The following TTC7A variants were observed in gnomAD, a reference collection of about 807,000 sequenced individuals.
TTC7A encodes the protein tetratricopeptide repeat protein 7A.
TTC7A carries 110 observed loss-of-function variants against 103.7 expected under a neutral mutation model. The ratio of observed to expected loss-of-function variants is 1.06; its 90% CI spans 0.91 to 1.24. The LOEUF is 1.24. Among genes scored for constraint, TTC7A ranks in the 50% most tolerant of loss-of-function variants. TTC7A has a pLI of 0.00. For missense variants in TTC7A, 1,340 were observed against 1,116.3 expected (o/e 1.20, Z -2.86); for synonymous variants, 521 against 467.9 (o/e 1.11, Z -1.47).
At chr2:47,054,568 C>G (rs146249403) in intron 18 of TTC7A, among the ~76,000 whole-genome samples, 4 of 152,120 alleles carry the variant, frequency 2.6e-5, no homozygotes, top group Admixed American at 6.5e-5. Flanking sequence ...TGCGGTGGCT[C>G]ATGCCCGTAA....
chr2:46,937,478 C>T (rs1220018396), upstream of TTC7A, among the ~76,000 whole-genome samples: 2 of 152,160 alleles, frequency 1.3e-5, no homozygotes, highest in Non-Finnish European at 2.9e-5. The surrounding 1 kb of genome is among the most constrained non-coding windows in gnomAD (Gnocchi z 4.0). Context: ...AATGGGACTT[C>T]GAATTGTTTT....
intron 5 of TTC7A, among the ~76,000 whole-genome samples, chr2:46,990,118 G>A (rs1019336304): frequency 5.9e-5 from 9 of 152,240 alleles, no homozygotes; most frequent in African/African-American, 2.2e-4. Flanking sequence ...GCCTGCTGCT[G>A]TTGGGCCCAG....
intron 4 of TTC7A, among the ~76,000 whole-genome samples, chr2:46,975,624 A>C (rs1219286661): frequency 2.6e-5 from 4 of 152,110 alleles, no homozygotes; most frequent in Non-Finnish European, 4.4e-5. Flanking sequence ...TATCAAGTAC[A>C]GGTGGTAGCA....
intron 3 of TTC7A, among the ~76,000 whole-genome samples, chr2:46,970,340 G>A (rs572594188): frequency 6.6e-6 from 1 of 152,344 alleles, no homozygotes; most frequent in East Asian, 1.9e-4. Flanking sequence ...GAAGCATGAT[G>A]GGGAGGCCCC....
chr2:46,931,799 G>C (rs965121611), intron 2 of TTC7A, among the ~76,000 whole-genome samples: 3 of 152,140 alleles, frequency 2.0e-5, no homozygotes, highest in Non-Finnish European at 4.4e-5. Context: ...CCTTGATTTA[G>C]TTCATAAGAC....
At chr2:46,954,851 G>C (rs1460149397) in intron 2 of TTC7A, among the ~76,000 whole-genome samples, 1 of 152,150 alleles carries the variant, frequency 6.6e-6, no homozygotes, top group African/African-American at 2.4e-5. Flanking sequence ...GATTACAGGC[G>C]TGAGCCACCG....
At chr2:46,931,451 G>A (rs995653543) in intron 2 of TTC7A, among the ~76,000 whole-genome samples, 5 of 152,184 alleles carry the variant, frequency 3.3e-5, no homozygotes, top group Non-Finnish European at 7.3e-5. Flanking sequence ...TTGAGATGGG[G>A]AGATTATCTT....
Position 46,941,837 on chromosome 2 carries a change from C to A in TTC7A, c.184+112C>A. ...CCGACAGCGGGCGCCTGCCAGCCCA[C>A]CGTGCTAGTCTTAAGAGCAGCCAGG... is the stretch of plus-strand genomic sequence containing the variant. On this transcript the variant is annotated intron_variant, in intron 1 of 19. Coordinates refer to ENST00000319190, the MANE Select transcript of TTC7A (RefSeq NM_020458.4). This position sits in a 1 kb window ranked among gnomAD's most constrained non-coding sequence, Gnocchi z 4.2. The A allele has an allele frequency of 7.3e-7, 1 of 1,370,830 alleles. No homozygotes were observed. Among genetic ancestry groups the A allele is most frequent in the Non-Finnish European group, 1.0e-6 (1 of 1,000,558 alleles). The allele number at this position is 1,370,830 out of a possible 1,614,324, so 84.9% of individuals were successfully genotyped here. A position where few individuals can be genotyped will look rare whatever the true frequency, so the allele number is the denominator to read the frequency against.
At chr2:47,037,200 T>G (rs974400877) in intron 15 of TTC7A, among the ~76,000 whole-genome samples, 1 of 152,202 alleles carries the variant, frequency 6.6e-6, no homozygotes, top group African/African-American at 2.4e-5. Flanking sequence ...GTTCTTGTTG[T>G]GTTTCCCAAT....
At chr2:47,066,826 G>T (rs1684220028) in intron 19 of TTC7A, among the ~76,000 whole-genome samples, 1 of 152,204 alleles carries the variant, frequency 6.6e-6, no homozygotes, top group South Asian at 2.1e-4. Flanking sequence ...AAAGTGCTGG[G>T]ATTACAGGCA....
At chr2:47,029,442 G>A (rs893992666) in intron 15 of TTC7A, 58 bp downstream of exon 15, 450 of 1,585,912 alleles carry the variant, frequency 2.8e-4, no homozygotes, top group East Asian at 4.3e-4. Context: ...TGCAGCAGGC[G>A]CCCATGCACA....
At chr2:46,958,089 TCA>T (rs978610911) in intron 3 of TTC7A, among the ~76,000 whole-genome samples, 1 of 152,114 alleles carries the variant, frequency 6.6e-6, no homozygotes, top group East Asian at 1.9e-4. Context: ...CAACACACAC[TCA>T]GTTTCCCCTG....
At chr2:47,042,479 C>T (rs1340332127) in intron 15 of TTC7A, among the ~76,000 whole-genome samples, 1 of 150,694 alleles carries the variant, frequency 6.6e-6, no homozygotes, top group South Asian at 2.1e-4. Flanking sequence ...TCTGCCTGGG[C>T]AGCAGAGCCA....
At chr2:46,916,855 T>A (rs1668823073) in intron 1 of TTC7A, among the ~76,000 whole-genome samples, 1 of 151,966 alleles carries the variant, frequency 6.6e-6, no homozygotes, top group South Asian at 2.1e-4. Context: ...GGCTGGTCTC[T>A]AACTGCTGAC....
rs1270301479 is a variant in TTC7A, at chr2:46,969,232, G to A, written c.518-5741G>A. 5.3e-5 allele frequency among the ~76,000 whole-genome samples: 8 copies of A among 151,280 alleles called. No homozygotes were observed. The South Asian group carries it at 8.3e-4, about 16-fold the overall frequency. On this transcript the variant is annotated intron_variant, in intron 3 of 19. Transcript: ENST00000319190. ...TAAAAAAAAAATCTGGGCCGGGCAC[G>A]GTGGCTCACACCTGTAATCCCAGCA...
At chr2:46,915,867 TTGGCGCCGCCGGGCCCCTCCCGC>T (rs1668748649), upstream of TTC7A, 9 of 946,840 alleles carry the variant, frequency 9.5e-6, no homozygotes, top group Non-Finnish European at 9.8e-6. Context: ...CGCCCGCCCA[TTGGCGCCGCCGGGCCCCTCCCGC>T]TGGCGGCGGC....
At position 47,029,299 on chromosome 2, in the gene TTC7A, G is replaced by A. The variant is rs1030268054; in HGVS notation, c.1717G>A (p.Ala573Thr). The A allele has an allele frequency of 3.1e-6, 5 of 1,614,056 alleles. No homozygotes were observed. The South Asian group carries it at 4.4e-5, about 14-fold the overall frequency. The change falls in exon 15 of 20, where the codon GCA (alanine) becomes ACA (threonine). Residue 573 changes from alanine (A) to threonine (T), a missense_variant. By Grantham distance (58) the Ala-to-Thr change is moderately conservative. Coordinates refer to ENST00000319190, the MANE Select transcript of TTC7A (RefSeq NM_020458.4). ...TGATGCCCACGCCCTCCACCTGCTGGCACTGCTCTTCTCTGCCCAGAAGCA... is the reference window on the plus strand; with the variant it reads ...TGATGCCCACGCCCTCCACCTGCTGACACTGCTCTTCTCTGCCCAGAAGCA... Reference protein sequence around the residue: ...KDDAHALHLLALLFSAQKHHQ... With the variant: ...KDDAHALHLLTLLFSAQKHHQ...
At position 47,058,216 on chromosome 2, in the gene TTC7A, G is replaced by A. The variant is rs112025050; in HGVS notation, c.2153-2553G>A. Among the ~76,000 whole-genome samples the A allele has an allele frequency of 4.8e-3, 738 of 152,216 alleles. 9 individuals carry two copies. The highest frequency in any genetic ancestry group is 0.016 in the African/African-American group (676 of 41,522). ...AGGCTGTCCCCAGGGACTAGAGCCC[G>A]CATTTCTCTCCCATATCCAGGAAGC... is the stretch of plus-strand genomic sequence containing the variant. On this transcript the variant is annotated intron_variant, in intron 18 of 19. Transcript: ENST00000319190.
chr2:47,024,670 C>G (rs1679690280), intron 14 of TTC7A, among the ~76,000 whole-genome samples: 2 of 152,232 alleles, frequency 1.3e-5, no homozygotes, highest in South Asian at 4.1e-4. Context: ...TCCTCGCCTT[C>G]CACTGGCTTT....
Sources: gnomAD v4.1 joint callset for allele counts (sites outside exome capture counted in the v4.1 genomes callset) on GRCh38, gnomAD v4.1.1 for gene constraint, Gnocchi (gnomAD v3.1) non-coding constraint, MANE v1.5 for transcripts, NCBI Gene and HGNC (gene_info 2026-07-23, HGNC 2026-07-21) for gene names.